The following VPS39 variants were observed in gnomAD, a reference collection of about 807,000 sequenced individuals.
The protein encoded by VPS39 is VPS39 subunit of HOPS complex, also known as vam6/Vps39-like protein.
VPS39 carries 70 observed loss-of-function variants against 121.0 expected under a neutral mutation model. That is an observed-to-expected ratio of 0.58 (90% confidence interval 0.48 to 0.71). The LOEUF is 0.71. Among genes scored for constraint, VPS39 ranks in the 30% least tolerant of loss-of-function variants. The pLI is 0.00. For missense variants in VPS39, 818 were observed against 1,051.5 expected, an observed-to-expected ratio of 0.78 and a Z score of 3.07; for synonymous variants, 378 against 398.1, an observed-to-expected ratio of 0.95 and a Z score of 0.60.
chr15:42,165,160 ACCTGGTCT>A, intron 17 of VPS39, 47 bp from the exon 18 acceptor site: 1 of 1,570,480 alleles, frequency 6.4e-7, no homozygotes, highest in Non-Finnish European at 8.8e-7. Context: ...CCAGGCTGTG[ACCTGGTCT>A]CCCAGCCTCC....
chr15:42,170,014 G>T, intron 11 of VPS39, 148 bp from the exon 12 acceptor site: 1 of 951,150 alleles, frequency 1.1e-6, no homozygotes, highest in Non-Finnish European at 1.5e-6. Flanking sequence ...TCAACGAGCT[G>T]TAGACTTATG....
Position 42,173,772 on chromosome 15 carries a change from G to T in VPS39, c.1041C>A (p.Cys347Ter). ...IKNLYAFNLF[C>*]QKRFDESMQV... Reference sequence around the variant, plus strand: ...GCATGGACTCATCAAAACGCTTCTGGCAGAAGAGGTTGAAGGCATACAAGT... The same window carrying T: ...GCATGGACTCATCAAAACGCTTCTGTCAGAAGAGGTTGAAGGCATACAAGT... The change falls in exon 11 of 25, where the codon TGC becomes TGA. Residue 347 changes from cysteine (C) to a stop codon, truncating the protein, a stop_gained. Transcript: ENST00000318006. LOFTEE classifies it high-confidence loss of function. 6.2e-7 allele frequency: 1 copy of T among 1,614,108 alleles called. No individual in the cohort carries two copies. The highest frequency in any genetic ancestry group is 8.5e-7 in the Non-Finnish European group (1 of 1,180,026).
chr15:42,164,704 T>G, intron 18 of VPS39: 3 of 1,431,398 alleles, frequency 2.1e-6, no homozygotes, highest in Non-Finnish European at 2.7e-6. Context: ...AGAAATACTC[T>G]GTGGGCAAAC....
At chr15:42,190,468 C>A (rs2049804595) in intron 4 of VPS39, among the ~76,000 whole-genome samples, 1 of 152,226 alleles carries the variant, frequency 6.6e-6, no homozygotes, top group South Asian at 2.1e-4. Context: ...AAAGGCCTCA[C>A]TGGCTGCTTT....
At chr15:42,161,118 C>T (rs934681293) in intron 24 of VPS39, 8 of 395,374 alleles carry the variant, frequency 2.0e-5, no homozygotes, top group Non-Finnish European at 3.7e-5. Flanking sequence ...GCCCAAAGCT[C>T]AGCCCTGGCT....
At position 42,159,194 on chromosome 15, in the gene VPS39, A is replaced by G. The variant is rs1213554941; in HGVS notation, c.*1560T>C. On this transcript the variant is annotated 3_prime_UTR_variant, in exon 25 of 25. Coordinates refer to ENST00000318006, the MANE Select transcript of VPS39 (RefSeq NM_015289.5). The stretch of plus-strand genomic sequence containing the variant: ...TCTCCCACATCTGCGAATGGGGCCA[A>G]TGGCACTCACTGTCTCTTCAGGCCC... 6.6e-6 allele frequency: 1 copy of G among 152,282 alleles called. No individual in the cohort carries two copies. The highest frequency in any genetic ancestry group is 6.5e-5 in the Admixed American group (1 of 15,286). 9.4% of individuals were successfully genotyped at this position (152,282 alleles called of 1,614,324 possible).
At chr15:42,173,928 G>T in intron 10 of VPS39, 76 bp from the exon 11 acceptor site, 2 of 1,546,114 alleles carry the variant, frequency 1.3e-6, no homozygotes, top group South Asian at 1.2e-5. Flanking sequence ...TGTTAGAGAA[G>T]ATGCTAGGAG....
At position 42,160,811 on chromosome 15, in the gene VPS39, G is replaced by A. The variant is rs1165338504; in HGVS notation, c.2571C>T (p.Pro857=). 2 of 1,614,034 alleles carry A rather than the reference G, an allele frequency of 1.2e-6. No individual in the cohort carries two copies. Among genetic ancestry groups the A allele is most frequent in the African/African-American group, 2.7e-5 (2 of 74,930 alleles). ...AGAAGTAATGGACGACCACTCCATT[G>A]GGGTATCTTGCAAATGCACTGCAGG... ...KIGNSAFARY[P]NGVVVHYFCS... The change falls in exon 25 of 25, where the codon CCC becomes CCT. Residue 857 remains proline, a synonymous_variant. Transcript: ENST00000318006.
Position 42,160,021 on chromosome 15 carries a change from A to G in VPS39, c.*733T>C, listed in dbSNP as rs987271769. ...ATGATGCTCTCCGAGGCATCTAGGCATGGAGTGTATGGCCAAAGAGGGTCT... is the reference window on the plus strand; with the variant it reads ...ATGATGCTCTCCGAGGCATCTAGGCGTGGAGTGTATGGCCAAAGAGGGTCT... On this transcript the variant is annotated 3_prime_UTR_variant, in exon 25 of 25. Transcript: ENST00000318006. 1 of 152,332 alleles carries G rather than the reference A, an allele frequency of 6.6e-6. No homozygotes were observed. Among genetic ancestry groups the G allele is most frequent in the Non-Finnish European group, 1.5e-5 (1 of 68,128 alleles). The allele number at this position is 152,332 out of a possible 1,614,324, so 9.4% of individuals were successfully genotyped here.
In VPS39 at chr15:42,161,867, A is replaced by T. The variant is rs2049134189; in HGVS notation, c.2461-94T>A. 30 of 1,593,886 alleles carry T rather than the reference A, an allele frequency of 1.9e-5. No homozygotes were observed. In the South Asian group the frequency reaches 3.1e-4, roughly 17 times the overall value. The stretch of plus-strand genomic sequence containing the variant: ...GCAACTGTGTCCTCTTTCAGTCGTC[A>T]CAGATTCTTCTGCTTAGAACATTGG... On this transcript the variant is annotated intron_variant, in intron 23 of 24. Transcript: ENST00000318006.
intron 1 of VPS39, among the ~76,000 whole-genome samples, chr15:42,203,993 G>A (rs757815138): frequency 4.6e-5 from 7 of 152,164 alleles, no homozygotes; most frequent in South Asian, 2.1e-4. Flanking sequence ...AACTCCTGAC[G>A]GCCTAACCCT....
chr15:42,186,315 G>A (rs2049700893), intron 7 of VPS39, among the ~76,000 whole-genome samples: 1 of 151,932 alleles, frequency 6.6e-6, no homozygotes, highest in Admixed American at 6.6e-5. Context: ...GAGCATGGTG[G>A]TAGGCATCTG....
At position 42,164,401 on chromosome 15, in the gene VPS39, G is replaced by C. The variant is rs775268164; in HGVS notation, c.1983C>G (p.Ser661Arg). ...AGATGAGCCGGCCTGGATCATAGTAGCTGGAAATCTCCAAGAACATGAGGA... is the reference window on the plus strand; with the variant it reads ...AGATGAGCCGGCCTGGATCATAGTACCTGGAAATCTCCAAGAACATGAGGA... Reference protein sequence around the residue: ...QKLLMFLEISSYYDPGRLICD... With the variant: ...QKLLMFLEISRYYDPGRLICD... The change falls in exon 19 of 25, where the codon AGC (serine) becomes AGG (arginine). Residue 661 changes from serine to arginine, a missense_variant. Ser to Arg is a moderately radical substitution (Grantham distance 110). Transcript: ENST00000318006. 17 of 1,614,182 alleles carry C rather than the reference G, an allele frequency of 1.1e-5. No individual in the cohort carries two copies. Among genetic ancestry groups the C allele is most frequent in the Non-Finnish European group, 1.0e-5 (12 of 1,180,016 alleles).
intron 1 of VPS39, among the ~76,000 whole-genome samples, chr15:42,203,884 G>A (rs1463307712): frequency 6.6e-6 from 1 of 152,228 alleles, no homozygotes; most frequent in African/African-American, 2.4e-5. Context: ...GGGATGGACA[G>A]TGCCTTCTGA....
intron 21 of VPS39, chr15:42,162,780 C>A: frequency 7.5e-6 from 2 of 266,292 alleles, no homozygotes; most frequent in Non-Finnish European, 1.4e-5. Context: ...TTTCCTTTGG[C>A]TTTAAAAGCT....
chr15:42,196,780 T>C (rs2049949387), intron 2 of VPS39, among the ~76,000 whole-genome samples: 1 of 152,146 alleles, frequency 6.6e-6, no homozygotes, highest in Non-Finnish European at 1.5e-5. Flanking sequence ...TCCTCAAGGA[T>C]CTAGAACTAG....
At position 42,208,240 on chromosome 15, in the gene VPS39, G is replaced by C; in HGVS notation, c.-87C>G. Reference sequence around the variant, plus strand: ...CCGGAACGAGTCTGGGCTAAGGGTAGACCGGGATCCGGCCAGGAACCCCCC... The same window carrying C: ...CCGGAACGAGTCTGGGCTAAGGGTACACCGGGATCCGGCCAGGAACCCCCC... On this transcript the variant is annotated 5_prime_UTR_variant, in exon 1 of 25. Transcript: ENST00000318006. The C allele has an allele frequency of 3.3e-6, 5 of 1,507,628 alleles. No homozygotes were observed. Among genetic ancestry groups the C allele is most frequent in the Non-Finnish European group, 3.6e-6 (4 of 1,116,132 alleles). The allele number at this position is 1,507,628 out of a possible 1,614,324, so 93.4% of individuals were successfully genotyped here. A position where few individuals can be genotyped will look rare whatever the true frequency, so the allele number is the denominator to read the frequency against.
intron 7 of VPS39, 116 bp downstream of exon 7, chr15:42,187,155 C>A: frequency 1.4e-6 from 1 of 722,728 alleles, no homozygotes; most frequent in Non-Finnish European, 2.2e-6. Flanking sequence ...ATACAAATAA[C>A]AAATCCTGTT....
In VPS39 at chr15:42,160,464, T is replaced by G. The variant is rs1409412151; in HGVS notation, c.*290A>C. 2.4e-6 allele frequency: 1 copy of G among 409,774 alleles called. No individual in the cohort carries two copies. Among genetic ancestry groups the G allele is most frequent in the East Asian group, 4.2e-5 (1 of 24,012 alleles). 25.4% of individuals were successfully genotyped at this position (409,774 alleles called of 1,614,324 possible). A position where few individuals can be genotyped will look rare whatever the true frequency, so the allele number is the denominator to read the frequency against. ...AGTTTCCTTGTTCAGGTGACTGGTG[T>G]GCAAAGGCAAGATGGTGCACATCCT... is the stretch of plus-strand genomic sequence containing the variant. On this transcript the variant is annotated 3_prime_UTR_variant, in exon 25 of 25. Coordinates refer to ENST00000318006, the MANE Select transcript of VPS39 (RefSeq NM_015289.5).
Sources: gnomAD v4.1 joint callset for allele counts (sites outside exome capture counted in the v4.1 genomes callset) on GRCh38, gnomAD v4.1.1 for gene constraint, MANE v1.5 for transcripts, NCBI Gene and HGNC (gene_info 2026-07-23, HGNC 2026-07-21) for gene names.